SV2A: variants seen among roughly 807,000 people sequenced by gnomAD.
The protein encoded by SV2A is synaptic vesicle glycoprotein 2A.
A neutral mutation model predicts 78.0 loss-of-function variants in SV2A; 25 were observed. That is an observed-to-expected ratio of 0.32 (90% CI 0.23 to 0.45). SV2A has a LOEUF of 0.45. Among genes scored for constraint, SV2A ranks in the 20% least tolerant of loss-of-function variants. The pLI, the probability that SV2A is intolerant of heterozygous loss-of-function variation, is 1.00. For synonymous variants in SV2A, 355 were observed against 384.7 expected (o/e 0.92, Z 0.90); for missense variants, 752 against 971.5 (o/e 0.77, Z 3.00).
Position 149,905,256 on chromosome 1 carries a change from A to T in SV2A, c.2046-59T>A, listed in dbSNP as rs184661193. 5.5e-5 allele frequency: 83 copies of T among 1,499,890 alleles called. No individual in the cohort carries two copies. In the East Asian group the frequency reaches 2.0e-3, roughly 35 times the overall value. The allele number at this position is 1,499,890 out of a possible 1,614,324, so 92.9% of individuals were successfully genotyped here. On this transcript the variant is annotated intron_variant, in intron 12 of 12. Transcript: ENST00000369146. The stretch of plus-strand genomic sequence containing the variant: ...AGGTACAGGAGGGAGGCAAAGGAAG[A>T]GTGGAGGGCAGGGAAGTGAAGTCCA...
chr1:149,912,541 T>C (rs587613374), intron 2 of SV2A, among the ~76,000 whole-genome samples: 5 of 152,324 alleles, frequency 3.3e-5, no homozygotes, highest in East Asian at 3.9e-4. Flanking sequence ...TTTAAAATCA[T>C]CTACTCCAAA....
chr1:149,904,678 A>G lies in SV2A; in HGVS notation c.*336T>C. 4.1e-6 allele frequency: 1 copy of G among 242,908 alleles called. No homozygotes were observed. The highest frequency in any genetic ancestry group is 8.0e-6 in the Non-Finnish European group (1 of 124,950). The allele number at this position is 242,908 out of a possible 1,614,324, so 15.0% of individuals were successfully genotyped here. On this transcript the variant is annotated 3_prime_UTR_variant, in exon 13 of 13. Transcript: ENST00000369146. ...AGGCAGAGGGAATGATGGGGAAGGC[A>G]GGAAGCCTATTCTGGAACCCCTGGA...
Position 149,909,782 on chromosome 1 carries a change from C to G in SV2A, c.1179+19G>C. The G allele has an allele frequency of 6.2e-7, 1 of 1,612,800 alleles. No individual in the cohort carries two copies. Among genetic ancestry groups the G allele is most frequent in the Non-Finnish European group, 8.5e-7 (1 of 1,179,730 alleles). On this transcript the variant is annotated intron_variant, in intron 6 of 12. Coordinates refer to ENST00000369146, the MANE Select transcript of SV2A (RefSeq NM_014849.5). ...GGCTGCAGGGCGTGGAGGTCTGAGT[C>G]GGGAGGGCTGTGGCTTACTGAGAAC...
intron 8 of SV2A, 115 bp downstream of exon 8, chr1:149,909,077 C>A: frequency 1.0e-6 from 1 of 984,866 alleles, no homozygotes; most frequent in South Asian, 1.4e-5. Flanking sequence ...CAGAGGGGGT[C>A]TGCATGGCAC....
intron 10 of SV2A, 148 bp downstream of exon 10, chr1:149,907,552 G>T: frequency 1.2e-6 from 1 of 836,816 alleles, no homozygotes; most frequent in Non-Finnish European, 1.8e-6. Flanking sequence ...AGAATTATTG[G>T]TGGTAGCTAT....
intron 2 of SV2A, among the ~76,000 whole-genome samples, 189 bp downstream of exon 2, chr1:149,913,030 C>A (rs2092485266): frequency 6.6e-6 from 1 of 152,192 alleles, no homozygotes; most frequent in South Asian, 2.1e-4. Context: ...TCACATTCAA[C>A]TTCACCCTGA....
intron 8 of SV2A, among the ~76,000 whole-genome samples, chr1:149,908,791 C>T (rs1326567470): frequency 6.6e-6 from 1 of 152,182 alleles, no homozygotes; most frequent in Non-Finnish European, 1.5e-5. Flanking sequence ...GCGCCCACCA[C>T]CATGCCCGGC....
intron 12 of SV2A, chr1:149,905,517 G>A (rs369703222): frequency 4.2e-4 from 124 of 298,342 alleles, no homozygotes; most frequent in Non-Finnish European, 7.0e-4. Context: ...GCAGTGGTGC[G>A]ATCTCGGCTC....
intron 11 of SV2A, 50 bp downstream of exon 11, chr1:149,906,600 C>T (rs781876951): frequency 1.1e-5 from 17 of 1,596,248 alleles, no homozygotes; most frequent in Non-Finnish European, 1.4e-5. Context: ...GACTGCCTCC[C>T]GCAGCCCCTG....
rs587665200 is a variant in SV2A at position 149,906,715 on chromosome 1, G to A, written c.1820C>T (p.Ala607Val). 6.2e-7 allele frequency: 1 copy of A among 1,614,234 alleles called. No homozygotes were observed. Among genetic ancestry groups the A allele is most frequent in the South Asian group, 1.1e-5 (1 of 91,090 alleles). ...AGACACGATATTCCCAGGAAGCACT[G>A]CCAGTGTCCCCAGGAAGCTCACAAA... ...VYFVSFLGTL[A>V]VLPGNIVSAL... Residue 607 changes from alanine to valine, a missense_variant, in exon 11 of 13, where the codon GCA (alanine) becomes GTA (valine). This residue lies in a region of SV2A where 186 missense variants were observed against 274.6 expected (regional missense o/e 0.68). Coordinates refer to ENST00000369146, the MANE Select transcript of SV2A (RefSeq NM_014849.5).
At position 149,905,004 on chromosome 1, in the gene SV2A, A is replaced by G; in HGVS notation, c.*10T>C. ...GTGTGCCTGCCAATCCCAAAGCCCT[A>G]GAGACCCCTTCACTGCAGCACCTGC... On this transcript the variant is annotated 3_prime_UTR_variant, in exon 13 of 13. Coordinates refer to ENST00000369146, the MANE Select transcript of SV2A (RefSeq NM_014849.5). The G allele has an allele frequency of 6.2e-7, 1 of 1,605,680 alleles. No individual in the cohort carries two copies. Among genetic ancestry groups the G allele is most frequent in the South Asian group, 1.1e-5 (1 of 89,398 alleles).
rs782259675 is a variant in SV2A at position 149,913,205 on chromosome 1, C to T, written c.622+14G>A. On this transcript the variant is annotated intron_variant, in intron 2 of 12. Coordinates refer to ENST00000369146, the MANE Select transcript of SV2A (RefSeq NM_014849.5). Reference sequence around the variant, plus strand: ...GAGTTTGAGGGGATAAGGCTGGAGCCCCCCATGTCTTACCTAGCATGCCTT... The same window carrying T: ...GAGTTTGAGGGGATAAGGCTGGAGCTCCCCATGTCTTACCTAGCATGCCTT... 5 of 1,610,002 alleles carry T rather than the reference C, an allele frequency of 3.1e-6. No individual in the cohort carries two copies. The highest frequency in any genetic ancestry group is 2.2e-5 in the East Asian group (1 of 44,810).
At position 149,903,738 on chromosome 1, in the gene SV2A, G is replaced by A. The variant is rs1413485026; in HGVS notation, c.*1276C>T. ...CATCTAAAAACTACAACACGTCACA[G>A]CTACAGTGGGGTGAGGGGAGGGCAC... is the stretch of plus-strand genomic sequence containing the variant. On this transcript the variant is annotated 3_prime_UTR_variant, in exon 13 of 13. Coordinates refer to ENST00000369146, the MANE Select transcript of SV2A (RefSeq NM_014849.5). 2.6e-5 allele frequency: 4 copies of A among 152,522 alleles called. No homozygotes were observed. Among genetic ancestry groups the A allele is most frequent in the African/African-American group, 9.7e-5 (4 of 41,402 alleles). The allele number at this position is 152,522 out of a possible 1,614,324, so 9.4% of individuals were successfully genotyped here.
In SV2A at chr1:149,913,673, A is replaced by T. The variant is rs199556773; in HGVS notation, c.168T>A (p.Asp56Glu). The change falls in exon 2 of 13, where the codon GAT becomes GAA. Residue 56 changes from aspartate (D) to glutamate (E), a missense_variant. Coordinates refer to ENST00000369146, the MANE Select transcript of SV2A (RefSeq NM_014849.5). ...AACCATCACTGGGAGCAGGGAAGTC[A>T]TCATCATCATCCTCCTCCTCAAAGC... ...YSRFEEEDDDDDFPAPSDGYY... is the reference protein window; with the variant it reads ...YSRFEEEDDDEDFPAPSDGYY... 2 of 1,613,984 alleles carry T rather than the reference A, an allele frequency of 1.2e-6. No homozygotes were observed. Among genetic ancestry groups the T allele is most frequent in the East Asian group, 2.2e-5 (1 of 44,878 alleles).
chr1:149,905,630 A>T, intron 12 of SV2A: 1 of 429,614 alleles, frequency 2.3e-6, no homozygotes, highest in Admixed American at 3.8e-5. Context: ...TTTAGTACAG[A>T]CAGGGTTTCA....
At chr1:149,914,359 G>A (rs1185756623) in intron 1 of SV2A, among the ~76,000 whole-genome samples, 172 bp from the exon 2 acceptor site, 1 of 152,104 alleles carries the variant, frequency 6.6e-6, no homozygotes, top group Admixed American at 6.5e-5. Context: ...TGGGCTAACC[G>A]GGTCACTCAC....
intron 12 of SV2A, chr1:149,905,634 G>C (rs1553762608): frequency 2.3e-6 from 1 of 443,382 alleles, no homozygotes; most frequent in Admixed American, 3.7e-5. Flanking sequence ...GTACAGACAG[G>C]GTTTCACCAT....
At position 149,914,052 on chromosome 1, in the gene SV2A, C is replaced by A; in HGVS notation, c.-212G>T. 1 of 656,162 alleles carries A rather than the reference C, an allele frequency of 1.5e-6. No individual in the cohort carries two copies. The highest frequency in any genetic ancestry group is 2.7e-5 in the South Asian group (1 of 37,284). The allele number at this position is 656,162 out of a possible 1,614,324, so 40.6% of individuals were successfully genotyped here. Reference sequence around the variant, plus strand: ...GGAAGGAGAGGAGCTTTGACCTATACCCAGTTCAGTTGGGTGGATGGGGAA... The same window carrying A: ...GGAAGGAGAGGAGCTTTGACCTATAACCAGTTCAGTTGGGTGGATGGGGAA... On this transcript the variant is annotated 5_prime_UTR_variant, in exon 2 of 13. Coordinates refer to ENST00000369146, the MANE Select transcript of SV2A (RefSeq NM_014849.5).
At position 149,911,951 on chromosome 1, in the gene SV2A, C is replaced by T; in HGVS notation, c.652G>A (p.Gly218Arg). Residue 218 changes from glycine (G) to arginine (R), a missense_variant, in exon 3 of 13, where the codon GGA (glycine) becomes AGA (arginine). This residue lies in a region of SV2A where 291 missense variants were observed against 359.5 expected (regional missense o/e 0.81). Transcript: ENST00000369146. Reference protein sequence around the residue: ...GLIVYLGMMVGAFLWGGLADR... With the variant: ...GLIVYLGMMVRAFLWGGLADR... ...GCCAGACCTCCCCAGAGGAAGGCTC[C>T]CACCATCATGCCCAGGTAGACGATG... The T allele has an allele frequency of 6.2e-7, 1 of 1,614,098 alleles. No individual in the cohort carries two copies. The highest frequency in any genetic ancestry group is 8.5e-7 in the Non-Finnish European group (1 of 1,179,990).
Sources: gnomAD v4.1 joint callset for allele counts (sites outside exome capture counted in the v4.1 genomes callset) on GRCh38, gnomAD v4.1.1 for gene constraint, gnomAD v4.1.1 regional missense constraint, MANE v1.5 for transcripts, NCBI Gene and HGNC (gene_info 2026-07-23, HGNC 2026-07-21) for gene names.